Variants in CHCHD6 observed in about 807,000 individuals in gnomAD.
CHCHD6 encodes the protein MICOS complex subunit MIC25.
In CHCHD6, 28 loss-of-function variants were observed where a neutral mutation model predicts 32.3. The ratio of observed to expected loss-of-function variants is 0.87; its 90% confidence interval spans 0.64 to 1.19. The LOEUF is 1.19. Ranked by LOEUF, CHCHD6 falls within the 50% of genes most tolerant of loss-of-function variation. The probability of loss-of-function intolerance (pLI) is 0.00; values close to 1 mark genes in which losing one functional copy is unlikely to be tolerated. For synonymous variants in CHCHD6, 122 were observed against 117.5 expected (o/e 1.04, Z -0.25); for missense variants, 333 against 307.0 (o/e 1.08, Z -0.63).
chr3:126,763,686 C>T (rs1384120688), intron 4 of CHCHD6, among the ~76,000 whole-genome samples: 1 of 152,060 alleles, frequency 6.6e-6, no homozygotes, highest in Non-Finnish European at 1.5e-5. Flanking sequence ...TTTGTGGTTA[C>T]AATGGGGATT....
In CHCHD6 at chr3:126,744,030, G is replaced by A. The variant is rs559113592; in HGVS notation, c.411+10808G>A. Among the ~76,000 whole-genome samples, 7 of 152,244 alleles carry A rather than the reference G, an allele frequency of 4.6e-5. No individual in the cohort carries two copies. The East Asian group carries it at 5.8e-4, about 13-fold the overall frequency. Reference sequence around the variant, plus strand: ...GCTGTACCCCTGCTCCTCTTCCTTCGGGTCAGTGCCCACCAGCCCTGCCAC... The same window carrying A: ...GCTGTACCCCTGCTCCTCTTCCTTCAGGTCAGTGCCCACCAGCCCTGCCAC... On this transcript the variant is annotated intron_variant, in intron 4 of 7. Coordinates refer to ENST00000290913, the MANE Select transcript of CHCHD6 (RefSeq NM_032343.3).
At chr3:126,855,993 A>G (rs4407368) in intron 5 of CHCHD6, among the ~76,000 whole-genome samples, 38,654 of 152,084 alleles carry the variant, frequency 0.25, 6,365 homozygotes, top group East Asian at 0.62. Context: ...ACTCTCCCTA[A>G]CAGGTTCTAC....
chr3:126,767,253 T>G lies in CHCHD6; in HGVS notation c.411+34031T>G, dbSNP rs530686130. On this transcript the variant is annotated intron_variant, in intron 4 of 7. Coordinates refer to ENST00000290913, the MANE Select transcript of CHCHD6 (RefSeq NM_032343.3). ...TATATTATCTGTGCGGGGCTGGGGA[T>G]AGTGTCTGTCAGGTTGCCAAGGCCC... 6.3e-6 allele frequency: 9 copies of G among 1,421,584 alleles called. No individual in the cohort carries two copies. In the South Asian group the frequency reaches 9.2e-5, roughly 14 times the overall value. 88.1% of individuals were successfully genotyped at this position (1,421,584 alleles called of 1,614,324 possible).
chr3:126,891,338 G>A (rs2077757053), intron 5 of CHCHD6, among the ~76,000 whole-genome samples: 1 of 152,192 alleles, frequency 6.6e-6, no homozygotes, highest in African/African-American at 2.4e-5. Flanking sequence ...AGATCCTTGA[G>A]CAGAAGGCAG....
At chr3:126,801,672 A>G (rs2107690819) in intron 4 of CHCHD6, among the ~76,000 whole-genome samples, 1 of 152,330 alleles carries the variant, frequency 6.6e-6, no homozygotes, top group African/African-American at 2.4e-5. Context: ...ACCTCTGCAG[A>G]CTTAAATGTC....
intron 1 of CHCHD6, among the ~76,000 whole-genome samples, chr3:126,724,614 G>A (rs192432533): frequency 1.3e-5 from 2 of 152,070 alleles, no homozygotes; most frequent in South Asian, 4.1e-4. Context: ...TTGCCACATC[G>A]ATCAACTCTT....
chr3:126,710,318 A>G (rs1277820654), intron 1 of CHCHD6, among the ~76,000 whole-genome samples: 1 of 152,190 alleles, frequency 6.6e-6, no homozygotes, highest in South Asian at 2.1e-4. Flanking sequence ...TCCTTATGCC[A>G]GTACCATGCT....
At chr3:126,714,703 A>C (rs1934926090) in intron 1 of CHCHD6, among the ~76,000 whole-genome samples, 1 of 152,148 alleles carries the variant, frequency 6.6e-6, no homozygotes, top group Non-Finnish European at 1.5e-5. Flanking sequence ...AGCTGATTTT[A>C]TCTCTTCCTC....
intron 5 of CHCHD6, among the ~76,000 whole-genome samples, chr3:126,863,155 A>G (rs377022544): frequency 4.6e-5 from 2 of 43,562 alleles, no homozygotes; most frequent in South Asian, 1.8e-3. Flanking sequence ...CACCATCACC[A>G]CCTCCTCCTC....
chr3:126,755,838 ATGTGTGTGTGTGTGTG>A (rs58430251), intron 4 of CHCHD6, among the ~76,000 whole-genome samples: 5 of 145,876 alleles, frequency 3.4e-5, no homozygotes, highest in South Asian at 2.2e-4. Context: ...CTGTGTGTGC[ATGTGTGTGTGTGTGTG>A]TGTGTGTGTG....
intron 4 of CHCHD6, among the ~76,000 whole-genome samples, chr3:126,818,316 C>T (rs768248162): frequency 3.9e-5 from 6 of 152,060 alleles, no homozygotes; most frequent in Admixed American, 6.5e-5. Context: ...CCCACAAGGC[C>T]GAGCCCAGTC....
At chr3:126,874,889 C>T (rs1218805621) in intron 5 of CHCHD6, among the ~76,000 whole-genome samples, 1 of 152,182 alleles carries the variant, frequency 6.6e-6, no homozygotes, top group Non-Finnish European at 1.5e-5. Flanking sequence ...CCTGCAGCTC[C>T]CCTGGCCCCA....
intron 4 of CHCHD6, among the ~76,000 whole-genome samples, chr3:126,830,385 G>T (rs1307720673): frequency 1.3e-5 from 2 of 152,180 alleles, no homozygotes; most frequent in African/African-American, 4.8e-5. Context: ...GGCATTTTTA[G>T]CCAGGCTTTC....
At chr3:126,705,333 CTGAT>C (rs1449404239) in intron 1 of CHCHD6, among the ~76,000 whole-genome samples, 3 of 152,196 alleles carry the variant, frequency 2.0e-5, no homozygotes, top group Non-Finnish European at 4.4e-5. Context: ...AGGTTCCTGT[CTGAT>C]TGAAGACTGT....
chr3:126,835,275 C>T lies in CHCHD6; in HGVS notation c.412-17372C>T, dbSNP rs181120961. ...CAGAGGCAGGACAGTGCTCCCCACA[C>T]AGCCCCGATCCCTCCAGTAGGTGTG... On this transcript the variant is annotated intron_variant, in intron 4 of 7. Coordinates refer to ENST00000290913, the MANE Select transcript of CHCHD6 (RefSeq NM_032343.3). Among the ~76,000 whole-genome samples the T allele has an allele frequency of 3.9e-5, 6 of 152,310 alleles. No homozygotes were observed. In the East Asian group the frequency reaches 7.7e-4, roughly 20 times the overall value.
chr3:126,923,811 G>T (rs6808683), intron 6 of CHCHD6, among the ~76,000 whole-genome samples: 8,707 of 152,314 alleles, frequency 0.057, 785 homozygotes, highest in African/African-American at 0.19. Context: ...TGCATGGTAG[G>T]TGTTGTTACA....
chr3:126,931,098 T>G (rs1223168234), intron 6 of CHCHD6, among the ~76,000 whole-genome samples: 1 of 152,212 alleles, frequency 6.6e-6, no homozygotes, highest in Non-Finnish European at 1.5e-5. Flanking sequence ...GGGGCAGGCC[T>G]TGGTGGAGCA....
At chr3:126,803,334 G>C in intron 4 of CHCHD6, among the ~76,000 whole-genome samples, 1 of 152,094 alleles carries the variant, frequency 6.6e-6, no homozygotes, top group Non-Finnish European at 1.5e-5. Context: ...CACATGCAGA[G>C]ACACACATAG....
intron 4 of CHCHD6, among the ~76,000 whole-genome samples, chr3:126,737,274 G>A (rs1205930980): frequency 6.6e-6 from 1 of 151,798 alleles, no homozygotes; most frequent in Non-Finnish European, 1.5e-5. Context: ...GAGCTGAATC[G>A]CGCCATTGCA....
Sources: gnomAD v4.1 joint callset for allele counts (sites outside exome capture counted in the v4.1 genomes callset) on GRCh38, gnomAD v4.1.1 for gene constraint, MANE v1.5 for transcripts, NCBI Gene and HGNC (gene_info 2026-07-23, HGNC 2026-07-21) for gene names.